Variants in GALNT13 observed in about 807,000 individuals in gnomAD.
The protein encoded by GALNT13 is UDP-GalNAc:polypeptide N-acetylgalactosaminyltransferase 13.
Under a neutral mutation model 64.2 loss-of-function variants are expected in GALNT13, and 28 were observed. The ratio of observed to expected loss-of-function variants is 0.44; its 90% CI spans 0.32 to 0.60. The LOEUF (loss-of-function observed/expected upper bound fraction) is 0.60. Ranked by LOEUF, GALNT13 falls within the 20% of genes least tolerant of loss-of-function variation. The pLI is 0.05. For synonymous variants in GALNT13, 214 were observed against 224.6 expected (o/e 0.95, Z 0.42); for missense variants, 577 against 669.8 (o/e 0.86, Z 1.53).
At chr2:153,278,497 T>C in the GALNT13 span, among the ~76,000 whole-genome samples, 1 of 152,156 alleles carries the variant, frequency 6.6e-6, no homozygotes, top group Admixed American at 6.5e-5. Flanking sequence ...GTTCTTACAT[T>C]TAAATCTTGC....
intron 2 of GALNT13, among the ~76,000 whole-genome samples, chr2:153,914,998 A>G (rs1180696496): frequency 6.6e-6 from 1 of 152,074 alleles, no homozygotes; most frequent in African/African-American, 2.4e-5. Flanking sequence ...CTCTTACACA[A>G]TACCTACCCA....
At chr2:153,745,058 T>C in the GALNT13 span, among the ~76,000 whole-genome samples, 3 of 151,984 alleles carry the variant, frequency 2.0e-5, no homozygotes, top group Non-Finnish European at 2.9e-5. Flanking sequence ...CAAGCAAATA[T>C]AGTGAGAATT....
chr2:153,729,131 C>T, the GALNT13 span, among the ~76,000 whole-genome samples: 2 of 152,162 alleles, frequency 1.3e-5, no homozygotes, highest in Admixed American at 1.3e-4. Flanking sequence ...CTCCCTAACT[C>T]ATAGCCAATA....
the GALNT13 span, among the ~76,000 whole-genome samples, chr2:153,205,769 A>G: frequency 6.6e-6 from 1 of 152,064 alleles, no homozygotes; most frequent in Non-Finnish European, 1.5e-5. Context: ...ATGTTGATTT[A>G]TGTCTATCAA....
chr2:153,220,168 G>C, the GALNT13 span, among the ~76,000 whole-genome samples: 1 of 152,178 alleles, frequency 6.6e-6, no homozygotes, highest in African/African-American at 2.4e-5. Flanking sequence ...TGTCACAGTA[G>C]GTGGCTAGTA....
chr2:153,289,106 G>A, the GALNT13 span, among the ~76,000 whole-genome samples: 1 of 152,010 alleles, frequency 6.6e-6, no homozygotes, highest in Non-Finnish European at 1.5e-5. Flanking sequence ...GTTCATTTTT[G>A]TAATTAAAAA....
At chr2:153,717,224 G>A in the GALNT13 span, among the ~76,000 whole-genome samples, 1 of 152,058 alleles carries the variant, frequency 6.6e-6, no homozygotes. Context: ...TTGGCTGTTT[G>A]TTGTTCCTAA....
At chr2:153,109,637 G>A in the GALNT13 span, among the ~76,000 whole-genome samples, 304 of 152,202 alleles carry the variant, frequency 2.0e-3, 2 homozygotes, top group African/African-American at 6.8e-3. Flanking sequence ...ATCTTCCTAA[G>A]CTATTGCTTA....
intron 4 of GALNT13, among the ~76,000 whole-genome samples, chr2:154,207,090 C>A (rs1481254569): frequency 2.6e-5 from 4 of 152,156 alleles, no homozygotes; most frequent in Non-Finnish European, 5.9e-5. Context: ...AAAACTATCA[C>A]TTTCCTAAGT....
chr2:154,059,108 G>A (rs976860258), intron 3 of GALNT13, among the ~76,000 whole-genome samples: 1 of 152,212 alleles, frequency 6.6e-6, no homozygotes, highest in Non-Finnish European at 1.5e-5. Context: ...AATCAAGGAT[G>A]ACTCCAGGAT....
chr2:154,009,953 C>T (rs536195660), intron 3 of GALNT13, among the ~76,000 whole-genome samples: 1 of 152,050 alleles, frequency 6.6e-6, no homozygotes, highest in Non-Finnish European at 1.5e-5. Context: ...TGATTTGGCA[C>T]TCAGTTTGGA....
At chr2:153,345,635 T>TTCTTTCTTTC in the GALNT13 span, among the ~76,000 whole-genome samples, 16 of 68,864 alleles carry the variant, frequency 2.3e-4, no homozygotes, top group Non-Finnish European at 3.6e-4. Context: ...TTTCCTTTCT[T>TTCTTTCTTTC]TTTCTTTCTT....
At chr2:154,016,144 G>A (rs16835643) in intron 3 of GALNT13, among the ~76,000 whole-genome samples, 7,411 of 152,162 alleles carry the variant, frequency 0.049, 244 homozygotes, top group South Asian at 0.11. Context: ...ATAATGGAGC[G>A]AAGCATTTAA....
the GALNT13 span, among the ~76,000 whole-genome samples, chr2:153,398,359 G>C: frequency 2.6e-5 from 4 of 151,968 alleles, no homozygotes; most frequent in African/African-American, 9.7e-5. Flanking sequence ...TCTTTGTTAT[G>C]GTGAATAATG....
intron 10 of GALNT13, among the ~76,000 whole-genome samples, chr2:154,401,930 T>G (rs535489977): frequency 6.6e-6 from 1 of 152,280 alleles, no homozygotes; most frequent in South Asian, 2.1e-4. Context: ...TTTGTTCTCA[T>G]CTTTCTGATT....
chr2:154,309,537 A>G (rs1693919813), intron 9 of GALNT13, among the ~76,000 whole-genome samples: 1 of 152,274 alleles, frequency 6.6e-6, no homozygotes, highest in South Asian at 2.1e-4. Flanking sequence ...GGAAGGGGAA[A>G]TGGGTATGTG....
At chr2:154,366,653 A>G (rs187112571) in intron 9 of GALNT13, among the ~76,000 whole-genome samples, 1 of 152,228 alleles carries the variant, frequency 6.6e-6, no homozygotes, top group Admixed American at 6.5e-5. Context: ...GAGAATTCTC[A>G]GATGAGAACT....
At chr2:153,865,455 A>C in the GALNT13 span, among the ~76,000 whole-genome samples, 1 of 144,066 alleles carries the variant, frequency 6.9e-6, no homozygotes, top group Admixed American at 7.1e-5. Flanking sequence ...AACTCAAACA[A>C]ATTTACAAGA....
At chr2:153,842,659 CAA>C in the GALNT13 span, among the ~76,000 whole-genome samples, 1 of 151,428 alleles carries the variant, frequency 6.6e-6, no homozygotes, top group Non-Finnish European at 1.5e-5. Flanking sequence ...TTAAAAAACA[CAA>C]GAGCTAGAAT....
Sources: allele counts gnomAD v4.1 joint callset (sites outside exome capture counted in the v4.1 genomes callset), GRCh38; gene constraint gnomAD v4.1.1; transcripts MANE v1.5; gene names NCBI Gene and HGNC (gene_info 2026-07-23, HGNC 2026-07-21).